The following SMARCA2 variants were observed in gnomAD, a reference collection of about 807,000 sequenced individuals.
The protein encoded by SMARCA2 is SWI/SNF-related matrix-associated actin-dependent regulator of chromatin subfamily A member 2.
In SMARCA2, 61 loss-of-function variants were observed where a neutral mutation model predicts 199.8. The ratio of observed to expected loss-of-function variants is 0.31; its 90% CI spans 0.25 to 0.38. The LOEUF (loss-of-function observed/expected upper bound fraction) is 0.38. Among genes scored for constraint, SMARCA2 ranks in the 10% least tolerant of loss-of-function variants. SMARCA2 has a pLI of 1.00. For synonymous variants in SMARCA2, 935 were observed against 732.0 expected, an observed-to-expected ratio of 1.28 and a Z score of -4.48; for missense variants, 1,344 against 2,012.2, an observed-to-expected ratio of 0.67 and a Z score of 6.35.
At chr9:2,187,637 G>C (rs976576907) in intron 32 of SMARCA2, among the ~76,000 whole-genome samples, 1 of 151,858 alleles carries the variant, frequency 6.6e-6, no homozygotes, top group African/African-American at 2.4e-5. Context: ...TGATCATACC[G>C]CTGCCCTCCA....
intron 4 of SMARCA2, chr9:2,046,120 G>GA (rs1036665375): frequency 1.3e-5 from 2 of 152,160 alleles, no homozygotes; most frequent in Middle Eastern, 3.4e-3. Flanking sequence ...AAAGGATTTA[G>GA]AAAAAATTGG....
intron 9 of SMARCA2, among the ~76,000 whole-genome samples, chr9:2,068,658 A>G (rs572203929): frequency 6.6e-6 from 1 of 152,298 alleles, no homozygotes; most frequent in South Asian, 2.1e-4. Flanking sequence ...ATTTTTAATT[A>G]ACTAAAGAGC....
At chr9:2,027,790 T>C (rs950661041) in intron 1 of SMARCA2, 1 of 152,236 alleles carries the variant, frequency 6.6e-6, no homozygotes, top group African/African-American at 2.4e-5. Context: ...GCAAATCACT[T>C]AGGGTATGTC....
intron 18 of SMARCA2, among the ~76,000 whole-genome samples, chr9:2,087,588 G>T (rs1276629735): frequency 1.3e-5 from 2 of 150,984 alleles, no homozygotes; most frequent in African/African-American, 4.9e-5. Context: ...AGTTTTGTGT[G>T]TACATAAATA....
intron 12 of SMARCA2, among the ~76,000 whole-genome samples, 163 bp downstream of exon 12, chr9:2,073,786 T>C (rs779652226): frequency 2.0e-5 from 3 of 152,196 alleles, no homozygotes; most frequent in Non-Finnish European, 4.4e-5. Flanking sequence ...GCTTTGATGG[T>C]GTATGCCTAG....
chr9:2,177,793 C>A (rs1039720145), intron 29 of SMARCA2, among the ~76,000 whole-genome samples: 2 of 152,120 alleles, frequency 1.3e-5, no homozygotes, highest in African/African-American at 4.8e-5. Flanking sequence ...CTCAGGTGAT[C>A]GGCCCGCCTC....
chr9:2,040,850 T>G (rs1819574591), intron 4 of SMARCA2: 1 of 152,356 alleles, frequency 6.6e-6, no homozygotes, highest in South Asian at 2.1e-4. Flanking sequence ...ACTTCAGAGG[T>G]GCAGGGGACT....
In SMARCA2 at chr9:2,047,308, G is replaced by A. The variant is rs1180780788; in HGVS notation, c.870G>A (p.Ala290=). The change falls in exon 5 of 34, where the codon GCG becomes GCA. Residue 290 remains alanine, a synonymous_variant. Transcript: ENST00000349721. The part of the protein sequence containing the change: ...VPAPGGRPSP[A]PPAAAQPPAA... ...CGCCCGGCGGCCGGCCCTCGCCCGC[G>A]CCCCCCGCAGCCGCGCAGCCGCCCG... 5 of 1,006,826 alleles carry A rather than the reference G, an allele frequency of 5.0e-6. No individual in the cohort carries two copies. Among genetic ancestry groups the A allele is most frequent in the South Asian group, 4.4e-5 (1 of 22,496 alleles). The allele number at this position is 1,006,826 out of a possible 1,614,324, so 62.4% of individuals were successfully genotyped here.
At chr9:2,138,815 C>T (rs1450694444) in intron 27 of SMARCA2, among the ~76,000 whole-genome samples, 2 of 152,142 alleles carry the variant, frequency 1.3e-5, no homozygotes, top group African/African-American at 4.8e-5. Context: ...CCTTTGGCGG[C>T]CCTAGAAAGA....
intron 21 of SMARCA2, among the ~76,000 whole-genome samples, chr9:2,098,907 A>G (rs1563767152): frequency 6.6e-6 from 1 of 151,660 alleles, no homozygotes; most frequent in Non-Finnish European, 1.5e-5. Flanking sequence ...AGATCGCACC[A>G]TTGTACTCCA....
chr9:2,036,588 C>T (rs889538868), intron 3 of SMARCA2, among the ~76,000 whole-genome samples: 3 of 152,062 alleles, frequency 2.0e-5, no homozygotes, highest in Non-Finnish European at 4.4e-5. Flanking sequence ...TTTTTAATAC[C>T]ATACGGTGAC....
intron 29 of SMARCA2, among the ~76,000 whole-genome samples, chr9:2,177,000 G>A (rs1826656483): frequency 6.6e-6 from 1 of 152,154 alleles, no homozygotes; most frequent in Admixed American, 6.5e-5. Flanking sequence ...ACTCAATAAG[G>A]CTGAGATGAG....
chr9:2,052,547 C>T (rs1024791208), intron 5 of SMARCA2, among the ~76,000 whole-genome samples: 2 of 152,322 alleles, frequency 1.3e-5, no homozygotes, highest in East Asian at 3.9e-4. Context: ...GATGACAAAT[C>T]ATTTAATAAA....
intron 29 of SMARCA2, among the ~76,000 whole-genome samples, chr9:2,176,180 C>CTGTTTTTTTTTTGTTTGTT: frequency 1.8e-5 from 2 of 109,914 alleles, no homozygotes; most frequent in African/African-American, 1.1e-4. Context: ...CGCGCCCGGC[C>CTGTTTTTTTTTTGTTTGTT]TGTTTTTTTT....
intron 3 of SMARCA2, among the ~76,000 whole-genome samples, chr9:2,035,165 C>T (rs1278801358): frequency 1.3e-5 from 2 of 152,026 alleles, no homozygotes; most frequent in Non-Finnish European, 2.9e-5. Context: ...CCTCAGCCTC[C>T]TGAGTAGCTG....
At chr9:2,151,336 TAGTAGTAATGAA>T (rs1825065215) in intron 27 of SMARCA2, among the ~76,000 whole-genome samples, 1 of 151,146 alleles carries the variant, frequency 6.6e-6, no homozygotes, top group Non-Finnish European at 1.5e-5. Flanking sequence ...AAGAAACAGG[TAGTAGTAATGAA>T]GGAAGTGAAA....
intron 1 of SMARCA2, among the ~76,000 whole-genome samples, chr9:2,021,405 TC>T (rs1388860334): frequency 9.9e-5 from 15 of 152,244 alleles, no homozygotes; most frequent in Non-Finnish European, 1.8e-4. Context: ...TTACAGGTTA[TC>T]CAAGGGAAAT....
chr9:2,177,581 T>G (rs187202235), intron 29 of SMARCA2, among the ~76,000 whole-genome samples: 1 of 152,136 alleles, frequency 6.6e-6, no homozygotes, highest in Non-Finnish European at 1.5e-5. Context: ...AAACTGAGTT[T>G]CGCTCTCGTT....
intron 21 of SMARCA2, among the ~76,000 whole-genome samples, chr9:2,101,222 C>T (rs1822499304): frequency 6.6e-6 from 1 of 152,012 alleles, no homozygotes; most frequent in Non-Finnish European, 1.5e-5. Context: ...CTAGTCTAGA[C>T]TCTGTATTCC....
Sources: allele counts gnomAD v4.1 joint callset (sites outside exome capture counted in the v4.1 genomes callset), GRCh38; gene constraint gnomAD v4.1.1; transcripts MANE v1.5; gene names NCBI Gene and HGNC (gene_info 2026-07-23, HGNC 2026-07-21).